The following ANGPTL2 variants were observed in gnomAD, a reference collection of about 807,000 sequenced individuals.
ANGPTL2 encodes the protein angiopoietin like 2.
Under a neutral mutation model 52.8 loss-of-function variants are expected in ANGPTL2, and 25 were observed. The observed-to-expected ratio is 0.47, with a 90% CI of 0.35 to 0.66. ANGPTL2 has a LOEUF of 0.66. ANGPTL2 is among the 30% of genes least tolerant of loss of function. The pLI, the probability that ANGPTL2 is intolerant of heterozygous loss-of-function variation, is 0.01. For synonymous variants in ANGPTL2, 276 were observed against 277.4 expected (o/e 1.00, Z 0.05); for missense variants, 546 against 656.9 (o/e 0.83, Z 1.84).
intron 3 of ANGPTL2, among the ~76,000 whole-genome samples, chr9:127,092,272 G>A (rs2052581373): frequency 6.6e-6 from 1 of 152,230 alleles, no homozygotes; most frequent in South Asian, 2.1e-4. Context: ...TAGGCACGCA[G>A]CAGGCATTCC....
At chr9:127,096,031 C>G (rs748736067) in intron 2 of ANGPTL2, among the ~76,000 whole-genome samples, 21 of 152,280 alleles carry the variant, frequency 1.4e-4, no homozygotes, top group Non-Finnish European at 2.5e-4. Context: ...CACCCATTTA[C>G]CTTTTTGCCA....
At chr9:127,097,293 A>G (rs2053239070) in intron 2 of ANGPTL2, among the ~76,000 whole-genome samples, 1 of 152,196 alleles carries the variant, frequency 6.6e-6, no homozygotes, top group African/African-American at 2.4e-5. Context: ...CAAACGGGGT[A>G]ATTCTTTTAA....
At chr9:127,114,792 C>A (rs890618891) in intron 1 of ANGPTL2, among the ~76,000 whole-genome samples, 1 of 152,230 alleles carries the variant, frequency 6.6e-6, no homozygotes, top group Non-Finnish European at 1.5e-5. Flanking sequence ...TGGCCCCTGA[C>A]GTCGGGGTTC....
At chr9:127,092,954 A>G (rs2052660647) in intron 3 of ANGPTL2, among the ~76,000 whole-genome samples, 1 of 152,152 alleles carries the variant, frequency 6.6e-6, no homozygotes, top group African/African-American at 2.4e-5. Context: ...AGCTGCAGTC[A>G]CTACTGGGCC....
At chr9:127,101,343 T>C (rs1313095518) in intron 2 of ANGPTL2, among the ~76,000 whole-genome samples, 1 of 152,226 alleles carries the variant, frequency 6.6e-6, no homozygotes, top group Admixed American at 6.5e-5. Context: ...CCACCTTCTG[T>C]GCTGCAGTTA....
Position 127,091,623 on chromosome 9 carries a change from A to G in ANGPTL2, c.1282+47T>C, listed in dbSNP as rs753422202. On this transcript the variant is annotated intron_variant, in intron 4 of 4. Transcript: ENST00000373425. This position sits in a 1 kb window ranked among gnomAD's most constrained non-coding sequence, Gnocchi z 4.3. ...GAGTCAGGGGCTCTGGCTCTGGTTG[A>G]CCTCTTTTCCCTACCCTGCACCTGG... The G allele has an allele frequency of 8.4e-5, 133 of 1,585,006 alleles. No individual in the cohort carries two copies. The highest frequency in any genetic ancestry group is 1.1e-4 in the Non-Finnish European group (132 of 1,164,444).
chr9:127,098,269 C>A lies in ANGPTL2; in HGVS notation c.818-4343G>T, dbSNP rs138310349. Among the ~76,000 whole-genome samples, 17 of 152,284 alleles carry A rather than the reference C, an allele frequency of 1.1e-4. No homozygotes were observed. The East Asian group carries it at 3.3e-3, about 29-fold the overall frequency. ...TCAACGTGCAGTGGGCAAAGCGCTC[C>A]CTTTGGACCAGTGCAGAGTACCTAG... On this transcript the variant is annotated intron_variant, in intron 2 of 4. Coordinates refer to ENST00000373425, the MANE Select transcript of ANGPTL2 (RefSeq NM_012098.3).
intron 1 of ANGPTL2, among the ~76,000 whole-genome samples, chr9:127,111,894 T>C (rs557717925): frequency 5.2e-4 from 79 of 152,224 alleles, no homozygotes; most frequent in Non-Finnish European, 9.6e-4. Flanking sequence ...TGGTTTTTAC[T>C]AGTAAAAGGG....
At chr9:127,090,339 G>A (rs1363027339) in intron 4 of ANGPTL2, among the ~76,000 whole-genome samples, 1 of 152,226 alleles carries the variant, frequency 6.6e-6, no homozygotes, top group Non-Finnish European at 1.5e-5. Flanking sequence ...GTGTCCCAGG[G>A]TCTGACCAGC....
intron 1 of ANGPTL2, among the ~76,000 whole-genome samples, chr9:127,112,794 G>A (rs556490205): frequency 6.6e-6 from 1 of 152,342 alleles, no homozygotes; most frequent in Admixed American, 6.5e-5. Flanking sequence ...AGGATGCTGG[G>A]TGTGGGCCAG....
In ANGPTL2 at chr9:127,108,283, TC is replaced by T. The variant is rs1462423273; in HGVS notation, c.448del (p.Asp150ThrfsTer14). The T allele has an allele frequency of 6.2e-7, 1 of 1,613,902 alleles. No individual in the cohort carries two copies. The highest frequency in any genetic ancestry group is 8.5e-7 in the Non-Finnish European group (1 of 1,179,950). On this transcript the variant is annotated frameshift_variant, in exon 2 of 5. Transcript: ENST00000373425. LOFTEE classifies it high-confidence loss of function. ...QLLHEIIRKRDNALELSQLEN... is the reference protein window; with the variant it reads ...QLLHEIIRKRXNALELSQLEN... ...CAGCTGGGAGAGCTCCAACGCGTTG[TC>T]CCGCTTGCGGATGATCTCGTGCAGG... is the stretch of plus-strand genomic sequence containing the variant.
rs528765349 is a variant in ANGPTL2, at chr9:127,099,729, T to C, written c.818-5803A>G. 6.2e-4 allele frequency among the ~76,000 whole-genome samples: 95 copies of C among 152,328 alleles called. 2 individuals are homozygous for C. The highest frequency in any genetic ancestry group is 2.3e-3 in the African/African-American group (94 of 41,576). The stretch of plus-strand genomic sequence containing the variant: ...ATCACTGCTTTTCAGCGAACCAGAG[T>C]ACAAAACAATAACCTAAACACAGGA... On this transcript the variant is annotated intron_variant, in intron 2 of 4. Coordinates refer to ENST00000373425, the MANE Select transcript of ANGPTL2 (RefSeq NM_012098.3).
intron 2 of ANGPTL2, among the ~76,000 whole-genome samples, chr9:127,099,254 C>G (rs1017577677): frequency 6.6e-6 from 1 of 152,194 alleles, no homozygotes; most frequent in African/African-American, 2.4e-5. Context: ...TGGGAAGTTG[C>G]TCCTGTGAAT....
chr9:127,098,185 G>T (rs1049208110), intron 2 of ANGPTL2, among the ~76,000 whole-genome samples: 1 of 152,174 alleles, frequency 6.6e-6, no homozygotes, highest in African/African-American at 2.4e-5. Context: ...AGTGGAGAAG[G>T]CCACAAAGAT....
At chr9:127,100,527 G>A (rs1288057124) in intron 2 of ANGPTL2, among the ~76,000 whole-genome samples, 1 of 152,212 alleles carries the variant, frequency 6.6e-6, no homozygotes, top group African/African-American at 2.4e-5. Context: ...GGGCTTTAGT[G>A]GTCTCACTGT....
At position 127,088,103 on chromosome 9, in the gene ANGPTL2, G is replaced by A. The variant is rs2051988653; in HGVS notation, c.*836C>T. The stretch of plus-strand genomic sequence containing the variant: ...AAGGCAAGGAGTAGGTAGGCGAGGA[G>A]TACAGCAGAGCGGAAAGGGGGCCTT... On this transcript the variant is annotated 3_prime_UTR_variant, in exon 5 of 5. Transcript: ENST00000373425. 1 of 152,620 alleles carries A rather than the reference G, an allele frequency of 6.6e-6. No individual in the cohort carries two copies. The highest frequency in any genetic ancestry group is 1.5e-5 in the Non-Finnish European group (1 of 68,098). 9.5% of individuals were successfully genotyped at this position (152,620 alleles called of 1,614,324 possible).
intron 2 of ANGPTL2, among the ~76,000 whole-genome samples, chr9:127,097,540 G>C (rs1210903052): frequency 6.6e-6 from 1 of 152,176 alleles, no homozygotes; most frequent in African/African-American, 2.4e-5. Flanking sequence ...GGCACCAGTG[G>C]CAAAGGTCAG....
rs184016199 is a variant in ANGPTL2, at chr9:127,098,458, G to T, written c.818-4532C>A. 3.6e-4 allele frequency among the ~76,000 whole-genome samples: 55 copies of T among 152,296 alleles called. No homozygotes were observed. The East Asian group carries it at 9.5e-3, about 26-fold the overall frequency. On this transcript the variant is annotated intron_variant, in intron 2 of 4. Coordinates refer to ENST00000373425, the MANE Select transcript of ANGPTL2 (RefSeq NM_012098.3). The stretch of plus-strand genomic sequence containing the variant: ...GGGGAGCTGTGGCCAAATGTTCCAC[G>T]TGAAGAGAAATGCAGCCCCGTGGCT...
At chr9:127,106,261 G>A (rs2054205457) in intron 2 of ANGPTL2, among the ~76,000 whole-genome samples, 2 of 150,256 alleles carry the variant, frequency 1.3e-5, no homozygotes, top group Non-Finnish European at 1.5e-5. Context: ...CCAAGGGCAC[G>A]TTTTACCCTC....
Sources: gnomAD v4.1 joint callset for allele counts (sites outside exome capture counted in the v4.1 genomes callset) on GRCh38, gnomAD v4.1.1 for gene constraint, Gnocchi (gnomAD v3.1) non-coding constraint, MANE v1.5 for transcripts, NCBI Gene and HGNC (gene_info 2026-07-23, HGNC 2026-07-21) for gene names.